Variants in TNR observed in about 807,000 individuals in gnomAD.
TNR encodes the protein tenascin-R.
In TNR, 45 loss-of-function variants were observed where a neutral mutation model predicts 150.4. That is an observed-to-expected ratio of 0.30 (90% CI 0.24 to 0.38). The LOEUF (loss-of-function observed/expected upper bound fraction) is 0.38. Ranked by LOEUF, TNR falls within the 10% of genes least tolerant of loss-of-function variation. The probability of loss-of-function intolerance (pLI) is 1.00; values close to 1 mark genes in which losing one functional copy is unlikely to be tolerated. For synonymous variants in TNR, 687 were observed against 678.4 expected (o/e 1.01, Z -0.20); for missense variants, 1,544 against 1,759.1 (o/e 0.88, Z 2.19).
At chr1:175,356,286 G>C (rs900313664) in intron 16 of TNR, 33 bp downstream of exon 16, 30 of 1,611,498 alleles carry the variant, frequency 1.9e-5, no homozygotes, top group Non-Finnish European at 2.5e-5. Flanking sequence ...AAAGTCCCCA[G>C]GGATACGGGT....
chr1:175,498,923 G>T (rs1211800288), intron 2 of TNR, among the ~76,000 whole-genome samples: 1 of 152,186 alleles, frequency 6.6e-6, no homozygotes, highest in South Asian at 2.1e-4. Context: ...TAAACTGTTT[G>T]CTCTGCCTTC....
chr1:175,433,695 A>G (rs1655373767), intron 2 of TNR, among the ~76,000 whole-genome samples: 1 of 152,250 alleles, frequency 6.6e-6, no homozygotes, highest in Non-Finnish European at 1.5e-5. Context: ...TGTTGTATGT[A>G]CATTCATAAA....
intron 1 of TNR, among the ~76,000 whole-genome samples, chr1:175,562,001 T>C (rs1661449066): frequency 6.6e-6 from 1 of 152,132 alleles, no homozygotes. Context: ...AGCCGTGAAA[T>C]ATGAGAAAAA....
intron 1 of TNR, among the ~76,000 whole-genome samples, chr1:175,732,763 G>A (rs999150988): frequency 2.0e-5 from 3 of 152,172 alleles, no homozygotes; most frequent in Non-Finnish European, 4.4e-5. Flanking sequence ...GGCAGGTTTT[G>A]TAAACTTTGT....
intron 4 of TNR, among the ~76,000 whole-genome samples, chr1:175,400,784 A>C (rs1400165748): frequency 6.6e-6 from 1 of 152,086 alleles, no homozygotes; most frequent in Admixed American, 6.6e-5. Context: ...TGGTGTGTGC[A>C]CCCGGCCAGG....
At chr1:175,375,022 A>C (rs1432559499) in intron 9 of TNR, among the ~76,000 whole-genome samples, 2 of 152,236 alleles carry the variant, frequency 1.3e-5, no homozygotes. Flanking sequence ...CACCTTGGAC[A>C]CAAAGGCCAG....
rs903502043 is a variant in TNR at position 175,353,856 on chromosome 1, T to TA, written c.3382+534_3382+535insT. On this transcript the variant is annotated intron_variant, in intron 18 of 22. Coordinates refer to ENST00000367674, the MANE Select transcript of TNR (RefSeq NM_003285.3). ...GATTTTTTAAATTTTTATTTATTTT[T>TA]TTTTTTTGAGACGGAGTCTCACTTT... is the stretch of plus-strand genomic sequence containing the variant. Among the ~76,000 whole-genome samples, 6 of 151,710 alleles carry TA rather than the reference T, an allele frequency of 4.0e-5. No individual in the cohort carries two copies. In the South Asian group the frequency reaches 6.3e-4, roughly 16 times the overall value.
At chr1:175,385,881 C>A (rs945824388) in intron 8 of TNR, 151 bp downstream of exon 8, 6 of 853,458 alleles carry the variant, frequency 7.0e-6, no homozygotes, top group Non-Finnish European at 1.0e-5. Flanking sequence ...ATGCTGGAAA[C>A]CTCTTGCTTC....
intron 2 of TNR, among the ~76,000 whole-genome samples, chr1:175,408,861 G>A (rs1654076405): frequency 6.6e-6 from 1 of 152,290 alleles, no homozygotes; most frequent in South Asian, 2.1e-4. Context: ...CATATGAAAT[G>A]TGTTATCCAT....
At chr1:175,461,081 T>C (rs778320295) in intron 2 of TNR, among the ~76,000 whole-genome samples, 2 of 152,216 alleles carry the variant, frequency 1.3e-5, no homozygotes, top group Non-Finnish European at 2.9e-5. Flanking sequence ...TGCCTCTGCT[T>C]CAGTGAAAAA....
rs546199376 is a variant in TNR at position 175,516,935 on chromosome 1, T to C, written c.-64+11334A>G. On this transcript the variant is annotated intron_variant, in intron 2 of 22. Transcript: ENST00000367674. ...GAGATAATTTGTACTTCCCAAGACA[T>C]AAATTGAATATTTTCATGATTTTGA... Among the ~76,000 whole-genome samples the C allele has an allele frequency of 2.6e-5, 4 of 151,802 alleles. No homozygotes were observed. The East Asian group carries it at 7.8e-4, about 29-fold the overall frequency.
chr1:175,739,576 A>G (rs1667870146), intron 1 of TNR, among the ~76,000 whole-genome samples: 1 of 152,092 alleles, frequency 6.6e-6, no homozygotes, highest in Non-Finnish European at 1.5e-5. Flanking sequence ...GTTACTTCTT[A>G]ATGGTAAAAT....
chr1:175,460,475 A>G (rs1265758923), intron 2 of TNR, among the ~76,000 whole-genome samples: 1 of 152,060 alleles, frequency 6.6e-6, no homozygotes, highest in African/African-American at 2.4e-5. Context: ...TTAGATTTCA[A>G]GGGGATGAAC....
chr1:175,422,363 C>T (rs1215610526), intron 2 of TNR, among the ~76,000 whole-genome samples: 2 of 151,988 alleles, frequency 1.3e-5, no homozygotes, highest in African/African-American at 4.8e-5. Flanking sequence ...TCTAATAGGT[C>T]CTCTCTCTCT....
At chr1:175,341,582 A>G (rs1650526845) in intron 18 of TNR, among the ~76,000 whole-genome samples, 1 of 152,206 alleles carries the variant, frequency 6.6e-6, no homozygotes, top group Admixed American at 6.5e-5. Context: ...TCAGGGGACC[A>G]CCACTGCTGG....
At chr1:175,699,730 T>C (rs1666630967) in intron 1 of TNR, among the ~76,000 whole-genome samples, 1 of 151,766 alleles carries the variant, frequency 6.6e-6, no homozygotes, top group Non-Finnish European at 1.5e-5. Flanking sequence ...ACAACAGAGA[T>C]TGTGGAAGGG....
At chr1:175,502,792 A>C (rs1658791964) in intron 2 of TNR, among the ~76,000 whole-genome samples, 1 of 152,178 alleles carries the variant, frequency 6.6e-6, no homozygotes, top group Admixed American at 6.6e-5. Context: ...TGAATTTTAG[A>C]AGATGGTATA....
At chr1:175,526,632 C>A (rs1261979837) in intron 2 of TNR, among the ~76,000 whole-genome samples, 3 of 152,228 alleles carry the variant, frequency 2.0e-5, no homozygotes, top group Non-Finnish European at 4.4e-5. Flanking sequence ...GAAAACCTAT[C>A]TGGGACCATT....
chr1:175,723,436 G>A (rs183832467), intron 1 of TNR, among the ~76,000 whole-genome samples: 1 of 152,174 alleles, frequency 6.6e-6, no homozygotes, highest in African/African-American at 2.4e-5. Flanking sequence ...CAGGGACTGG[G>A]CAGGACTCTG....
Sources: allele counts gnomAD v4.1 joint callset (sites outside exome capture counted in the v4.1 genomes callset), GRCh38; gene constraint gnomAD v4.1.1; transcripts MANE v1.5; gene names NCBI Gene and HGNC (gene_info 2026-07-23, HGNC 2026-07-21).